Variants in SAMTOR observed in about 807,000 individuals in gnomAD.
SAMTOR encodes S-adenosylmethionine sensor upstream of mTORC1, also known as UPF0532 protein C7orf60.
At chr7:112,865,249 G>A in the SAMTOR span, among the ~76,000 whole-genome samples, 1 of 151,994 alleles carries the variant, frequency 6.6e-6, no homozygotes, top group South Asian at 2.1e-4. Context: ...AGGAGTTCGA[G>A]ACCAACCTAG....
the SAMTOR span, among the ~76,000 whole-genome samples, chr7:112,863,954 G>A: frequency 2.0e-5 from 3 of 152,322 alleles, no homozygotes; most frequent in Admixed American, 2.0e-4. Context: ...GCACATGTAT[G>A]TTCACTGCAG....
the SAMTOR span, among the ~76,000 whole-genome samples, chr7:112,840,306 C>A: frequency 6.6e-6 from 1 of 151,944 alleles, no homozygotes; most frequent in South Asian, 2.1e-4. Context: ...CCATACAAAA[C>A]CTTGAGAACA....
the SAMTOR span, among the ~76,000 whole-genome samples, chr7:112,837,349 G>A: frequency 1.3e-5 from 2 of 151,966 alleles, no homozygotes; most frequent in African/African-American, 4.8e-5. Context: ...AGACTATGGG[G>A]TTTTCTAGAT....
At chr7:112,871,823 T>C in the SAMTOR span, among the ~76,000 whole-genome samples, 1,358 of 152,166 alleles carry the variant, frequency 8.9e-3, 22 homozygotes, top group African/African-American at 0.031. Context: ...GGTGACATGA[T>C]ACCAATCCCA....
At chr7:112,932,228 T>A in the SAMTOR span, among the ~76,000 whole-genome samples, 128 of 152,250 alleles carry the variant, frequency 8.4e-4, 4 homozygotes, top group East Asian at 0.022. Context: ...CCCAGCTCAC[T>A]ATTACCATTT....
chr7:112,909,792 A>G, the SAMTOR span, among the ~76,000 whole-genome samples: 1 of 151,900 alleles, frequency 6.6e-6, no homozygotes, highest in African/African-American at 2.4e-5. Context: ...CAAAGTTGTT[A>G]AGCAAAAATC....
chr7:112,823,156 G>A, the SAMTOR span, among the ~76,000 whole-genome samples: 1 of 152,056 alleles, frequency 6.6e-6, no homozygotes, highest in East Asian at 1.9e-4. Flanking sequence ...ATACAAGCCG[G>A]CCACATAGTC....
chr7:112,877,870 G>C, the SAMTOR span, among the ~76,000 whole-genome samples: 2 of 152,170 alleles, frequency 1.3e-5, no homozygotes, highest in African/African-American at 4.8e-5. Flanking sequence ...GCAAGTTCCT[G>C]CTTCGCCTTC....
chr7:112,857,810 T>C, the SAMTOR span, among the ~76,000 whole-genome samples: 1 of 152,198 alleles, frequency 6.6e-6, no homozygotes, highest in African/African-American at 2.4e-5. Flanking sequence ...AACCTGGCTG[T>C]GCAAATGTGT....
the SAMTOR span, chr7:112,939,850 A>C: frequency 1.2e-6 from 1 of 858,526 alleles, no homozygotes; most frequent in Non-Finnish European, 1.8e-6. Flanking sequence ...GGCAGCAGCC[A>C]GAGGAGGCAG....
At chr7:112,886,548 T>C in the SAMTOR span, among the ~76,000 whole-genome samples, 91 of 152,162 alleles carry the variant, frequency 6.0e-4, no homozygotes, top group Admixed American at 9.2e-4. Flanking sequence ...GAACAATTCA[T>C]ATAAAGCAAG....
At chr7:112,844,913 G>A in the SAMTOR span, among the ~76,000 whole-genome samples, 1 of 151,970 alleles carries the variant, frequency 6.6e-6, no homozygotes, top group Non-Finnish European at 1.5e-5. Context: ...AGACCAATGG[G>A]ACAGAATAGA....
chr7:112,927,967 G>A, the SAMTOR span, among the ~76,000 whole-genome samples: 8 of 151,812 alleles, frequency 5.3e-5, no homozygotes, highest in East Asian at 1.9e-4. Context: ...CATAACTATT[G>A]CATTGACTAA....
chr7:112,844,015 TAAAGA>T, the SAMTOR span, among the ~76,000 whole-genome samples: 3 of 151,906 alleles, frequency 2.0e-5, no homozygotes, highest in Non-Finnish European at 4.4e-5. Flanking sequence ...TAAACAGAAC[TAAAGA>T]CAAAAACCAC....
chr7:112,827,788 C>A, the SAMTOR span, among the ~76,000 whole-genome samples: 1 of 152,172 alleles, frequency 6.6e-6, no homozygotes, highest in Non-Finnish European at 1.5e-5. Flanking sequence ...GTGGCACAAT[C>A]TTGGATCACT....
At chr7:112,924,642 G>A in the SAMTOR span, among the ~76,000 whole-genome samples, 1 of 151,878 alleles carries the variant, frequency 6.6e-6, no homozygotes, top group Non-Finnish European at 1.5e-5. Flanking sequence ...GGTAGTGACT[G>A]GCCTCTCAAT....
At chr7:112,892,489 C>A in the SAMTOR span, among the ~76,000 whole-genome samples, 1 of 152,116 alleles carries the variant, frequency 6.6e-6, no homozygotes, top group East Asian at 1.9e-4. Context: ...ATGACTTGAG[C>A]CAGGCTCAGT....
At chr7:112,853,243 A>AT in the SAMTOR span, among the ~76,000 whole-genome samples, 3 of 152,184 alleles carry the variant, frequency 2.0e-5, no homozygotes, top group South Asian at 6.2e-4. Context: ...TTCATTTGAC[A>AT]TTTTTTCCTT....
the SAMTOR span, among the ~76,000 whole-genome samples, chr7:112,837,313 T>A: frequency 1.3e-5 from 2 of 152,048 alleles, no homozygotes; most frequent in African/African-American, 4.8e-5. Context: ...CTGAAGTTGA[T>A]CATCAGATCT....
Sources: gnomAD v4.1 joint callset for allele counts (sites outside exome capture counted in the v4.1 genomes callset) on GRCh38, gnomAD v4.1.1 for gene constraint, MANE v1.5 for transcripts, NCBI Gene and HGNC (gene_info 2026-07-23, HGNC 2026-07-21) for gene names.